The following NGLY1 variants were observed in gnomAD, a reference collection of about 807,000 sequenced individuals.
The protein encoded by NGLY1 is N-glycanase 1.
NGLY1 carries 68 observed loss-of-function variants against 84.6 expected under a neutral mutation model. The ratio of observed to expected loss-of-function variants is 0.80; its 90% CI spans 0.66 to 0.98. The LOEUF (loss-of-function observed/expected upper bound fraction) is 0.98. Among genes scored for constraint, NGLY1 ranks in the 50% least tolerant of loss-of-function variants. The pLI is 0.00. For missense variants in NGLY1, 779 were observed against 770.2 expected (o/e 1.01, Z -0.14); for synonymous variants, 280 against 275.2 (o/e 1.02, Z -0.17).
At chr3:25,743,002 AAAGC>A (rs1349342952) in intron 4 of NGLY1, among the ~76,000 whole-genome samples, 1 of 152,154 alleles carries the variant, frequency 6.6e-6, no homozygotes, top group African/African-American at 2.4e-5. Flanking sequence ...AACCTCATAA[AAAGC>A]AAGTAAATGG....
At chr3:25,774,680 G>A (rs568920441) in intron 2 of NGLY1, among the ~76,000 whole-genome samples, 3 of 152,234 alleles carry the variant, frequency 2.0e-5, no homozygotes, top group East Asian at 3.9e-4. Flanking sequence ...GGCAGTGTAC[G>A]CAGGGTTGAG....
At chr3:25,783,480 A>C (rs1559563889), upstream of NGLY1, 1 of 1,235,436 alleles carries the variant, frequency 8.1e-7, no homozygotes, top group East Asian at 4.0e-5. This position sits in a 1 kb window ranked among gnomAD's most constrained non-coding sequence, Gnocchi z 4.5. Flanking sequence ...TACCGCAGCC[A>C]CCGGCAGGGG....
chr3:25,742,885 A>C (rs1017509488), intron 4 of NGLY1, among the ~76,000 whole-genome samples: 14 of 19,700 alleles, frequency 7.1e-4, no homozygotes, highest in Non-Finnish European at 1.7e-3. Flanking sequence ...CTTATGTGGC[A>C]AAAAAAAAAA....
chr3:25,783,697 T>C (rs1708535394), upstream of NGLY1: 1 of 223,092 alleles, frequency 4.5e-6, no homozygotes, highest in African/African-American at 2.6e-5. The surrounding 1 kb of genome is among the most constrained non-coding windows in gnomAD (Gnocchi z 4.5). Context: ...GGCAAGGGGC[T>C]GTTCGGAAGA....
At chr3:25,748,070 CAG>C (rs1706531482) in intron 4 of NGLY1, among the ~76,000 whole-genome samples, 1 of 152,094 alleles carries the variant, frequency 6.6e-6, no homozygotes, top group South Asian at 2.1e-4. Context: ...AAGATTTTAC[CAG>C]AGTCTTCTCT....
Position 25,750,906 on chromosome 3 carries a change from T to A in NGLY1, c.658+192A>T, listed in dbSNP as rs1327421831. Among the ~76,000 whole-genome samples, 5 of 152,270 alleles carry A rather than the reference T, an allele frequency of 3.3e-5. No homozygotes were observed. The South Asian group carries it at 1.0e-3, about 32-fold the overall frequency. On this transcript the variant is annotated intron_variant, in intron 4 of 11. Transcript: ENST00000280700. ...CACAGTCAGCCCTGCAGAACCCATG[T>A]ATATAAAGAGTTGACCCTCCGTATA...
chr3:25,739,170 A>C (rs1283525792), intron 5 of NGLY1, among the ~76,000 whole-genome samples: 1 of 152,250 alleles, frequency 6.6e-6, no homozygotes, highest in Non-Finnish European at 1.5e-5. Flanking sequence ...CAGACAGTTA[A>C]AAATTAGGAA....
chr3:25,786,139 GTTCT>G (rs900620299), upstream of NGLY1, among the ~76,000 whole-genome samples: 12 of 152,112 alleles, frequency 7.9e-5, no homozygotes, highest in Non-Finnish European at 1.5e-4. Flanking sequence ...AATTTACAGA[GTTCT>G]TTCTTTTTTG....
At chr3:25,747,797 CA>C (rs1396120419) in intron 4 of NGLY1, among the ~76,000 whole-genome samples, 1 of 152,132 alleles carries the variant, frequency 6.6e-6, no homozygotes, top group Non-Finnish European at 1.5e-5. Context: ...GAAAAGAAGT[CA>C]CTAGAGCCAT....
At chr3:25,789,970 C>T (rs1034801940) in exon 1 of NGLY1, 13 of 1,397,462 alleles carry the variant, frequency 9.3e-6, no homozygotes, top group Non-Finnish European at 1.3e-5. Context: ...GGTCTGACCT[C>T]AGCCAAGGTG....
chr3:25,758,109 C>T (rs1016123472), intron 3 of NGLY1, among the ~76,000 whole-genome samples: 2 of 152,126 alleles, frequency 1.3e-5, no homozygotes, highest in Non-Finnish European at 2.9e-5. Context: ...GAGAAAATGG[C>T]AGGGCAAACA....
chr3:25,788,961 C>T (rs574272597), intron 1 of NGLY1, among the ~76,000 whole-genome samples: 23 of 152,318 alleles, frequency 1.5e-4, no homozygotes, highest in African/African-American at 5.3e-4. Flanking sequence ...GCAGAGCACT[C>T]TACTTGGAAA....
intron 2 of NGLY1, among the ~76,000 whole-genome samples, chr3:25,770,897 A>AT (rs952513399): frequency 4.6e-5 from 7 of 151,394 alleles, no homozygotes; most frequent in African/African-American, 1.5e-4. Flanking sequence ...TTTTGATGGG[A>AT]TTTTTTTTCT....
intron 4 of NGLY1, among the ~76,000 whole-genome samples, chr3:25,742,884 CAAAAAAAAAA>C (rs34669504): frequency 4.7e-5 from 3 of 63,314 alleles, no homozygotes; most frequent in Admixed American, 2.3e-4. Context: ...CCTTATGTGG[CAAAAAAAAAA>C]AAAAAAAAAA....
intron 6 of NGLY1, chr3:25,736,424 G>C (rs1256097915): frequency 1.3e-6 from 2 of 1,514,940 alleles, no homozygotes; most frequent in Non-Finnish European, 1.8e-6. Context: ...ACATATTAAA[G>C]AGCAGCATAA....
intron 4 of NGLY1, among the ~76,000 whole-genome samples, chr3:25,743,871 T>C (rs1190989017): frequency 6.6e-6 from 1 of 152,174 alleles, no homozygotes; most frequent in Non-Finnish European, 1.5e-5. Flanking sequence ...TAAGGGTCAA[T>C]GTTCCTCATT....
chr3:25,784,530 T>C (rs1204190424), upstream of NGLY1, among the ~76,000 whole-genome samples: 1 of 152,232 alleles, frequency 6.6e-6, no homozygotes, highest in East Asian at 1.9e-4. Flanking sequence ...AAGTGTACTT[T>C]ACCAGTGGCT....
intron 4 of NGLY1, among the ~76,000 whole-genome samples, chr3:25,746,395 A>G (rs1706432701): frequency 6.6e-6 from 1 of 152,214 alleles, no homozygotes; most frequent in Non-Finnish European, 1.5e-5. Flanking sequence ...TTAAGCGTGA[A>G]AGAATATATA....
intron 10 of NGLY1, among the ~76,000 whole-genome samples, chr3:25,721,956 A>C (rs913512189): frequency 6.8e-6 from 1 of 147,276 alleles, no homozygotes; most frequent in African/African-American, 2.5e-5. Flanking sequence ...AGTCATTCAC[A>C]CCGGTAATCC....
Sources: gnomAD v4.1 joint callset for allele counts (sites outside exome capture counted in the v4.1 genomes callset) on GRCh38, gnomAD v4.1.1 for gene constraint, Gnocchi (gnomAD v3.1) non-coding constraint, MANE v1.5 for transcripts, NCBI Gene and HGNC (gene_info 2026-07-23, HGNC 2026-07-21) for gene names.